Variants in ALOX12B observed in about 807,000 individuals in gnomAD.
ALOX12B encodes the protein arachidonate 12-lipoxygenase, 12R-type.
In ALOX12B, 47 loss-of-function variants were observed where a neutral mutation model predicts 78.9. The ratio of observed to expected loss-of-function variants is 0.60; its 90% CI spans 0.47 to 0.76. The LOEUF (loss-of-function observed/expected upper bound fraction) is 0.76, where lower values mean the gene tolerates loss of function less well. Ranked by LOEUF, ALOX12B falls within the 30% of genes least tolerant of loss-of-function variation. The pLI, the probability that ALOX12B is intolerant of heterozygous loss-of-function variation, is 0.00. For missense variants in ALOX12B, 805 were observed against 922.6 expected, an observed-to-expected ratio of 0.87 and a Z score of 1.65; for synonymous variants, 370 against 374.5, an observed-to-expected ratio of 0.99 and a Z score of 0.14.
At chr17:8,085,599 G>A (rs1481067980) in intron 2 of ALOX12B, among the ~76,000 whole-genome samples, 3 of 152,202 alleles carry the variant, frequency 2.0e-5, no homozygotes, top group Non-Finnish European at 4.4e-5. Context: ...GTAACAGGGC[G>A]TCTTTCTGGA....
chr17:8,081,382 T>C, intron 2 of ALOX12B, 195 bp from the exon 3 acceptor site: 1 of 660,734 alleles, frequency 1.5e-6, no homozygotes, highest in Non-Finnish European at 2.8e-6. Flanking sequence ...ACCCACCCTC[T>C]TTCCTCTTGC....
chr17:8,074,738 C>T (rs1469055620), intron 12 of ALOX12B, among the ~76,000 whole-genome samples: 1 of 152,220 alleles, frequency 6.6e-6, no homozygotes, highest in Non-Finnish European at 1.5e-5. Context: ...TCAGCCTCAG[C>T]CCATTGGGAA....
intron 13 of ALOX12B, 148 bp downstream of exon 13, chr17:8,073,509 C>T: frequency 5.7e-6 from 6 of 1,044,130 alleles, no homozygotes; most frequent in East Asian, 2.6e-5. Flanking sequence ...GGCTGAGGCT[C>T]GGTTTCCGTT....
At chr17:8,081,594 T>A in intron 2 of ALOX12B, 1 of 287,620 alleles carries the variant, frequency 3.5e-6, no homozygotes, top group Non-Finnish European at 7.0e-6. Context: ...CCCCCTCCCA[T>A]CCTCTCACCC....
In ALOX12B at chr17:8,080,200, T is replaced by TC. The variant is rs1399014356; in HGVS notation, c.754+34dup. ...CCTAGCACGCCGGAGACCGCCTGGCTCCCCCTGCTCGATCCGGGACGCCCC... is the reference window on the plus strand; with the variant it reads ...CCTAGCACGCCGGAGACCGCCTGGCTCCCCCCTGCTCGATCCGGGACGCCCC... On this transcript the variant is annotated intron_variant, in intron 6 of 14. Transcript: ENST00000647874. The surrounding 1 kb of genome is among the most constrained non-coding windows in gnomAD (Gnocchi z 4.8). The TC allele has an allele frequency of 4.4e-6, 7 of 1,602,794 alleles. No individual in the cohort carries two copies. Among genetic ancestry groups the TC allele is most frequent in the Admixed American group, 1.7e-5 (1 of 59,986 alleles).
intron 2 of ALOX12B, among the ~76,000 whole-genome samples, chr17:8,083,319 G>C (rs1476301692): frequency 6.6e-6 from 1 of 152,316 alleles, no homozygotes; most frequent in South Asian, 2.1e-4. Flanking sequence ...CTAAAGGACT[G>C]TATCCCCATG....
intron 3 of ALOX12B, 54 bp downstream of exon 3, chr17:8,081,052 C>T: frequency 6.2e-7 from 1 of 1,612,638 alleles, no homozygotes; most frequent in Non-Finnish European, 8.5e-7. Context: ...ATCACTGCCC[C>T]CCACCTCCCT....
chr17:8,085,180 T>A (rs1187313721), intron 2 of ALOX12B, among the ~76,000 whole-genome samples: 1 of 152,126 alleles, frequency 6.6e-6, no homozygotes, highest in African/African-American at 2.4e-5. Context: ...GAACATCCCA[T>A]CAGTCTAAAA....
In ALOX12B at chr17:8,072,855, G is replaced by T. The variant is rs550272024; in HGVS notation, c.2022C>A (p.His674Gln). 1.2e-6 allele frequency: 2 copies of T among 1,614,208 alleles called. No homozygotes were observed. Reference protein sequence around the residue: ...AFRQRLNQISHDIRQRNKCLP... With the variant: ...AFRQRLNQISQDIRQRNKCLP... ...GGCACTTGTTGCGCTGGCGGATGTC[G>T]TGTGAGATCTGGTTCAGGCGCTGGC... The change falls in exon 15 of 15, where the codon CAC becomes CAA. Residue 674 changes from histidine (H) to glutamine (Q), a missense_variant. Coordinates refer to ENST00000647874, the MANE Select transcript of ALOX12B (RefSeq NM_001139.3).
intron 12 of ALOX12B, 128 bp from the exon 13 acceptor site, chr17:8,073,885 A>C: frequency 1.3e-6 from 1 of 761,444 alleles, no homozygotes; most frequent in Non-Finnish European, 2.3e-6. Context: ...CCGTACCCTC[A>C]TCCTGCCTGC....
In ALOX12B at chr17:8,073,740, G is replaced by A; in HGVS notation, c.1672C>T (p.Arg558Ter). The A allele has an allele frequency of 1.2e-6, 2 of 1,613,974 alleles. No individual in the cohort carries two copies. The highest frequency in any genetic ancestry group is 2.2e-5 in the East Asian group (1 of 44,872). ...TATCGGATCAGCTCAGGCACGGTTC[G>A]CAAGCACCTAGGGAAGCCTGACCGG... ...RESSGFPRCL[R>*]TVPELIRYVT... The change falls in exon 13 of 15, where the codon CGA (arginine) becomes TGA (stop). Residue 558 changes from arginine (R) to a stop codon, truncating the protein, a stop_gained. Transcript: ENST00000647874. LOFTEE classifies it high-confidence loss of function.
rs1977191109 is a variant in ALOX12B at position 8,080,478 on chromosome 17, A to G, written c.651-140T>C. On this transcript the variant is annotated intron_variant, in intron 5 of 14. Transcript: ENST00000647874. This position sits in a 1 kb window ranked among gnomAD's most constrained non-coding sequence, Gnocchi z 4.8. ...GCAAAGTCTCTGGGTCCCATGTCTC[A>G]AGATCTTTGCATCTCTAGGTCTCTG... 6 of 1,383,808 alleles carry G rather than the reference A, an allele frequency of 4.3e-6. No homozygotes were observed. Among genetic ancestry groups the G allele is most frequent in the East Asian group, 2.3e-5 (1 of 43,316 alleles). 85.7% of individuals were successfully genotyped at this position (1,383,808 alleles called of 1,614,324 possible).
Position 8,079,730 on chromosome 17 carries a change from CG to C in ALOX12B, c.927+38del. Reference sequence around the variant, plus strand: ...AGACGGGGATGCCCGCGAGGGAGGCCGGGAGGAGGGCCGGGGTCTCCGCCGG... The same window carrying C: ...AGACGGGGATGCCCGCGAGGGAGGCCGGAGGAGGGCCGGGGTCTCCGCCGG... On this transcript the variant is annotated intron_variant, in intron 7 of 14. Transcript: ENST00000647874. This position sits in a 1 kb window ranked among gnomAD's most constrained non-coding sequence, Gnocchi z 6.4. 1 of 1,594,922 alleles carries C rather than the reference CG, an allele frequency of 6.3e-7. No individual in the cohort carries two copies. Among genetic ancestry groups the C allele is most frequent in the Non-Finnish European group, 8.5e-7 (1 of 1,172,368 alleles).
chr17:8,087,181 G>A (rs1396345960), intron 1 of ALOX12B, 115 bp downstream of exon 1: 17 of 1,462,340 alleles, frequency 1.2e-5, no homozygotes, highest in South Asian at 4.7e-5. Flanking sequence ...CTCCCCCTGC[G>A]CACCTTCACC....
At chr17:8,081,367 C>A in intron 2 of ALOX12B, 180 bp from the exon 3 acceptor site, 2 of 685,732 alleles carry the variant, frequency 2.9e-6, no homozygotes, top group South Asian at 1.6e-5. Context: ...ATAAAAGAAT[C>A]ACGGACCCAC....
rs1409231639 is a variant in ALOX12B at position 8,073,142 on chromosome 17, T to C, written c.1926+6A>G. 1 of 1,614,064 alleles carries C rather than the reference T, an allele frequency of 6.2e-7. No individual in the cohort carries two copies. The highest frequency in any genetic ancestry group is 1.1e-5 in the South Asian group (1 of 91,078). On this transcript the variant is annotated splice_donor_region_variant and intron_variant, in intron 14 of 14. Transcript: ENST00000647874. ...TGTGCTCAGAGTCCCCCATCCCGTC[T>C]CGCACCCTGTCGTCAGGCTCTCGGC...
In ALOX12B at chr17:8,079,731, G is replaced by A. The variant is rs1367151775; in HGVS notation, c.927+38C>T. On this transcript the variant is annotated intron_variant, in intron 7 of 14. Transcript: ENST00000647874. This position sits in a 1 kb window ranked among gnomAD's most constrained non-coding sequence, Gnocchi z 6.4. ...GACGGGGATGCCCGCGAGGGAGGCC[G>A]GGAGGAGGGCCGGGGTCTCCGCCGG... is the stretch of plus-strand genomic sequence containing the variant. 1.3e-6 allele frequency: 2 copies of A among 1,595,988 alleles called. No individual in the cohort carries two copies. Among genetic ancestry groups the A allele is most frequent in the Non-Finnish European group, 1.7e-6 (2 of 1,172,800 alleles).
At position 8,082,895 on chromosome 17, in the gene ALOX12B, A is replaced by G. The variant is rs1161349153; in HGVS notation, c.353-1708T>C. ...TACTTTTATTAATCTAAGCCTAAGA[A>G]GCACCCTATGAGGCAGGTGACTATT... On this transcript the variant is annotated intron_variant, in intron 2 of 14. Transcript: ENST00000647874. 2.6e-5 allele frequency among the ~76,000 whole-genome samples: 4 copies of G among 152,336 alleles called. No individual in the cohort carries two copies. In the East Asian group the frequency reaches 7.7e-4, roughly 29 times the overall value.
rs144923268 is a variant in ALOX12B at position 8,080,763 on chromosome 17, G to A, written c.545C>T (p.Pro182Leu). Residue 182 changes from proline (P) to leucine (L), a missense_variant, in exon 5 of 15, where the codon CCG (proline) becomes CTG (leucine). By Grantham distance (98) the Pro-to-Leu change is moderately conservative. Coordinates refer to ENST00000647874, the MANE Select transcript of ALOX12B (RefSeq NM_001139.3). This position sits in a 1 kb window ranked among gnomAD's most constrained non-coding sequence, Gnocchi z 4.8. Reference protein sequence around the residue: ...PNRPEWNGYIPGFPILINFKA... With the variant: ...PNRPEWNGYILGFPILINFKA... Reference sequence around the variant, plus strand: ...AAAGTTGATGAGAATTGGGAATCCCGGAATATAGCCATTCCACCTGTGGGG... The same window carrying A: ...AAAGTTGATGAGAATTGGGAATCCCAGAATATAGCCATTCCACCTGTGGGG... 7 of 1,614,040 alleles carry A rather than the reference G, an allele frequency of 4.3e-6. No homozygotes were observed. The highest frequency in any genetic ancestry group is 1.3e-5 in the African/African-American group (1 of 74,912).
Sources: gnomAD v4.1 joint callset for allele counts (sites outside exome capture counted in the v4.1 genomes callset) on GRCh38, gnomAD v4.1.1 for gene constraint, Gnocchi (gnomAD v3.1) non-coding constraint, MANE v1.5 for transcripts, NCBI Gene and HGNC (gene_info 2026-07-23, HGNC 2026-07-21) for gene names.